The following SLC41A2 variants were observed in gnomAD, a reference collection of about 807,000 sequenced individuals.
SLC41A2 encodes SLC41A1-like 1.
In SLC41A2, 32 loss-of-function variants were observed where a neutral mutation model predicts 58.3. That is an observed-to-expected ratio of 0.55 (90% CI 0.41 to 0.74). SLC41A2 has a LOEUF of 0.74. SLC41A2 is among the 30% of genes least tolerant of loss of function. SLC41A2 has a pLI of 0.00. For missense variants in SLC41A2, 514 were observed against 680.6 expected (o/e 0.76, Z 2.72); for synonymous variants, 190 against 235.0 (o/e 0.81, Z 1.75).
intron 6 of SLC41A2, among the ~76,000 whole-genome samples, chr12:104,878,479 C>G: frequency 6.6e-6 from 1 of 151,462 alleles, no homozygotes; most frequent in African/African-American, 2.4e-5. Flanking sequence ...CACCCCACCA[C>G]AGGCCCTGGT....
intron 10 of SLC41A2, among the ~76,000 whole-genome samples, chr12:104,836,063 C>G (rs2042198211): frequency 6.6e-6 from 1 of 152,188 alleles, no homozygotes; most frequent in Non-Finnish European, 1.5e-5. Context: ...AGGCTGGTCT[C>G]AAACTCCTGA....
intron 8 of SLC41A2, among the ~76,000 whole-genome samples, chr12:104,853,199 T>C (rs1424522421): frequency 6.6e-6 from 1 of 152,248 alleles, no homozygotes; most frequent in Non-Finnish European, 1.5e-5. Flanking sequence ...TTTAGAAATA[T>C]ATGTTTCCAG....
chr12:104,904,577 C>G (rs979756354), intron 3 of SLC41A2, among the ~76,000 whole-genome samples: 18 of 152,156 alleles, frequency 1.2e-4, no homozygotes, highest in East Asian at 7.7e-4. Flanking sequence ...AAGAATGAAG[C>G]CGCGGACCCT....
intron 3 of SLC41A2, among the ~76,000 whole-genome samples, chr12:104,906,299 G>C (rs939076593): frequency 6.6e-6 from 1 of 152,160 alleles, no homozygotes; most frequent in Admixed American, 6.5e-5. Context: ...TCAAGTTAGT[G>C]TTCCTGAAGG....
intron 8 of SLC41A2, among the ~76,000 whole-genome samples, chr12:104,849,733 C>A (rs1452309628): frequency 1.3e-5 from 2 of 152,134 alleles, no homozygotes; most frequent in African/African-American, 4.8e-5. Flanking sequence ...AAGACTGAGG[C>A]AGGAGGATGG....
chr12:104,951,783 C>T (rs1397804379), intron 1 of SLC41A2, among the ~76,000 whole-genome samples: 1 of 150,234 alleles, frequency 6.7e-6, no homozygotes, highest in African/African-American at 2.4e-5. Flanking sequence ...AAAGTAATTG[C>T]AGTTTTTGTC....
intron 1 of SLC41A2, among the ~76,000 whole-genome samples, chr12:104,957,755 C>G (rs2048223139): frequency 6.6e-6 from 1 of 152,236 alleles, no homozygotes; most frequent in African/African-American, 2.4e-5. Flanking sequence ...CTCGCAGCAT[C>G]TCCATCCCAG....
chr12:104,877,769 C>A (rs11609934), intron 6 of SLC41A2, among the ~76,000 whole-genome samples: 1 of 151,696 alleles, frequency 6.6e-6, no homozygotes, highest in Non-Finnish European at 1.5e-5. Flanking sequence ...GAGGCCGAGG[C>A]AGGCAGATTC....
chr12:104,942,730 T>A (rs904500266), intron 1 of SLC41A2, among the ~76,000 whole-genome samples: 2 of 152,204 alleles, frequency 1.3e-5, no homozygotes, highest in Admixed American at 6.5e-5. Context: ...TATAATTGAT[T>A]TACTCATCTA....
chr12:104,886,303 G>A lies in SLC41A2; in HGVS notation c.1017C>T (p.Tyr339=). ...TTTAAATCAACTTACCAAGACAGGAGTATAAGCCCTGACTTATCCAAGCCA... is the reference window on the plus strand; with the variant it reads ...TTTAAATCAACTTACCAAGACAGGAATATAAGCCCTGACTTATCCAAGCCA... ...AILAWISQGL[Y]SCLETYYYIS... is the part of the protein sequence containing the mutation. Residue 339 remains tyrosine, a synonymous_variant, in exon 6 of 11, where the codon TAC becomes TAT. Coordinates refer to ENST00000258538, the MANE Select transcript of SLC41A2 (RefSeq NM_001352171.3). The A allele has an allele frequency of 6.2e-7, 1 of 1,613,370 alleles. No individual in the cohort carries two copies. Among genetic ancestry groups the A allele is most frequent in the South Asian group, 1.1e-5 (1 of 91,006 alleles).
At chr12:104,958,304 G>C (rs1443212880), upstream of SLC41A2, 1 of 149,572 alleles carries the variant, frequency 6.7e-6, no homozygotes, top group East Asian at 2.0e-4. Flanking sequence ...CCGGCCGTCG[G>C]CGCCCGCGGC....
intron 6 of SLC41A2, among the ~76,000 whole-genome samples, chr12:104,885,004 T>G (rs1456721234): frequency 1.3e-5 from 2 of 152,208 alleles, no homozygotes; most frequent in African/African-American, 4.8e-5. Flanking sequence ...AAATTTAAGA[T>G]TATCCCTTTA....
chr12:104,820,881 G>T (rs1261009495), intron 10 of SLC41A2, among the ~76,000 whole-genome samples: 2 of 152,124 alleles, frequency 1.3e-5, no homozygotes, highest in Non-Finnish European at 2.9e-5. Context: ...CTGACCTCAG[G>T]TGATCCACTC....
chr12:104,838,900 T>C (rs2042306417), intron 10 of SLC41A2, among the ~76,000 whole-genome samples: 1 of 152,246 alleles, frequency 6.6e-6, no homozygotes, highest in African/African-American at 2.4e-5. Context: ...CTATATGTAC[T>C]ATATACTTGA....
intron 2 of SLC41A2, among the ~76,000 whole-genome samples, chr12:104,918,100 A>G (rs2046412847): frequency 6.6e-6 from 1 of 151,630 alleles, no homozygotes; most frequent in African/African-American, 2.4e-5. Flanking sequence ...GAAAAGGTGA[A>G]AAGTTTTCAC....
At chr12:104,926,207 TAAAC>T (rs1326910760) in intron 2 of SLC41A2, among the ~76,000 whole-genome samples, 1 of 152,182 alleles carries the variant, frequency 6.6e-6, no homozygotes, top group Non-Finnish European at 1.5e-5. Flanking sequence ...CTATGACTGA[TAAAC>T]AAAAACTGAC....
intron 6 of SLC41A2, among the ~76,000 whole-genome samples, chr12:104,883,450 T>C (rs1328796034): frequency 6.6e-6 from 1 of 152,224 alleles, no homozygotes; most frequent in Admixed American, 6.5e-5. Flanking sequence ...CCCATCTTTG[T>C]GGTTTTATCT....
intron 2 of SLC41A2, among the ~76,000 whole-genome samples, chr12:104,925,034 G>A (rs1325052990): frequency 2.0e-5 from 3 of 152,068 alleles, no homozygotes; most frequent in African/African-American, 7.2e-5. Flanking sequence ...CAGAAAATCA[G>A]ATTAGTGATT....
At chr12:104,876,391 A>G (rs1380047928) in intron 6 of SLC41A2, among the ~76,000 whole-genome samples, 3 of 152,030 alleles carry the variant, frequency 2.0e-5, no homozygotes, top group Non-Finnish European at 4.4e-5. Context: ...GCAGGTGTTT[A>G]TCGCTATAAA....
Sources: allele counts gnomAD v4.1 joint callset (sites outside exome capture counted in the v4.1 genomes callset), GRCh38; gene constraint gnomAD v4.1.1; transcripts MANE v1.5; gene names NCBI Gene and HGNC (gene_info 2026-07-23, HGNC 2026-07-21).